The following M1AP variants were observed in gnomAD, a reference collection of about 807,000 sequenced individuals.
The protein encoded by M1AP is meiosis 1 arrest protein.
In M1AP, 39 loss-of-function variants were observed where a neutral mutation model predicts 51.2. That is an observed-to-expected ratio of 0.76 (90% CI 0.59 to 1.00). The LOEUF is 1.00. M1AP is among the 50% of genes least tolerant of loss of function. M1AP has a pLI of 0.00. For missense variants in M1AP, 545 were observed against 641.2 expected, an observed-to-expected ratio of 0.85 and a Z score of 1.62; for synonymous variants, 251 against 249.2, an observed-to-expected ratio of 1.01 and a Z score of -0.07.
chr2:74,611,726 G>C (rs1211553828), intron 3 of M1AP, among the ~76,000 whole-genome samples: 1 of 151,496 alleles, frequency 6.6e-6, no homozygotes, highest in Non-Finnish European at 1.5e-5. Context: ...CAGCTATTCG[G>C]GAAGCTGAGG....
At chr2:74,580,496 G>C (rs2104585508) in intron 5 of M1AP, among the ~76,000 whole-genome samples, 1 of 152,268 alleles carries the variant, frequency 6.6e-6, no homozygotes, top group Non-Finnish European at 1.5e-5. Flanking sequence ...TTGAAATGGG[G>C]GAGAGAGGAA....
At chr2:74,576,639 A>C in intron 5 of M1AP, 21 bp from the exon 6 acceptor site, 1 of 1,612,982 alleles carries the variant, frequency 6.2e-7, no homozygotes, top group East Asian at 2.2e-5. Context: ...AGGAGATTAC[A>C]TTTCAGACAC....
intron 2 of M1AP, among the ~76,000 whole-genome samples, chr2:74,620,105 A>G (rs1442856772): frequency 3.9e-5 from 6 of 152,226 alleles, no homozygotes; most frequent in Non-Finnish European, 5.9e-5. Context: ...TGTTCAGTTA[A>G]GTTTCTGTTT....
At chr2:74,565,228 A>G (rs1678299070) in intron 7 of M1AP, among the ~76,000 whole-genome samples, 1 of 152,116 alleles carries the variant, frequency 6.6e-6, no homozygotes, top group Non-Finnish European at 1.5e-5. Flanking sequence ...ATCTCAAAAA[A>G]AAAAAAAGAA....
rs554488140 is a variant in M1AP at position 74,587,878 on chromosome 2, A to G, written c.596-6031T>C. Among the ~76,000 whole-genome samples, 3 of 152,372 alleles carry G rather than the reference A, an allele frequency of 2.0e-5. No homozygotes were observed. The East Asian group carries it at 5.8e-4, about 29-fold the overall frequency. On this transcript the variant is annotated intron_variant, in intron 4 of 10. Transcript: ENST00000421985. Reference sequence around the variant, plus strand: ...TGCCCTCCTGCGGCCACAATGGGAAAAAACTAAGAAAGCCAAATGACTGAA... The same window carrying G: ...TGCCCTCCTGCGGCCACAATGGGAAGAAACTAAGAAAGCCAAATGACTGAA...
At chr2:74,588,788 A>G (rs1421084930) in intron 4 of M1AP, among the ~76,000 whole-genome samples, 1 of 152,234 alleles carries the variant, frequency 6.6e-6, no homozygotes, top group Non-Finnish European at 1.5e-5. Flanking sequence ...GTAATGAGAT[A>G]GAGAAAATTT....
intron 7 of M1AP, among the ~76,000 whole-genome samples, chr2:74,567,949 G>A (rs983342097): frequency 5.9e-5 from 9 of 152,234 alleles, no homozygotes; most frequent in African/African-American, 1.9e-4. Context: ...CAATTTTCAA[G>A]TGAAAAATCA....
chr2:74,581,998 T>C, intron 4 of M1AP, 151 bp from the exon 5 acceptor site: 1 of 659,984 alleles, frequency 1.5e-6, no homozygotes, highest in East Asian at 2.8e-5. Flanking sequence ...GCACAATCAT[T>C]GCTCACTGCA....
At chr2:74,629,845 T>A (rs2104800616) in intron 2 of M1AP, among the ~76,000 whole-genome samples, 1 of 152,208 alleles carries the variant, frequency 6.6e-6, no homozygotes, top group African/African-American at 2.4e-5. Flanking sequence ...GTCCCATCCC[T>A]AAGTCATTAT....
intron 1 of M1AP, among the ~76,000 whole-genome samples, chr2:74,645,124 G>A (rs1000963950): frequency 6.6e-6 from 1 of 152,066 alleles, no homozygotes; most frequent in Non-Finnish European, 1.5e-5. Flanking sequence ...AGGCCAGGGA[G>A]ACCACAAACC....
rs370508829 is a variant in M1AP, at chr2:74,645,311, T to C, written c.-53+2954A>G. On this transcript the variant is annotated intron_variant, in intron 1 of 10. Transcript: ENST00000421985. ...CTCCGGACACACCATCTTTAAGAACTGTAACACCGCCAGGGTCCGCGGCTT... is the reference window on the plus strand; with the variant it reads ...CTCCGGACACACCATCTTTAAGAACCGTAACACCGCCAGGGTCCGCGGCTT... Among the ~76,000 whole-genome samples the C allele has an allele frequency of 4.0e-4, 61 of 152,294 alleles. 1 individual carries two copies. The highest frequency in any genetic ancestry group is 1.4e-3 in the African/African-American group (60 of 41,562).
At chr2:74,578,821 C>G (rs904541117) in intron 5 of M1AP, among the ~76,000 whole-genome samples, 3 of 151,976 alleles carry the variant, frequency 2.0e-5, no homozygotes, top group Non-Finnish European at 4.4e-5. Flanking sequence ...CCCAAAGAGT[C>G]TAGAGGAGGA....
chr2:74,633,986 C>T (rs186227485), intron 2 of M1AP, among the ~76,000 whole-genome samples: 64 of 152,204 alleles, frequency 4.2e-4, no homozygotes, highest in South Asian at 1.9e-3. Flanking sequence ...TACATAAATA[C>T]TCAATTAAAA....
At chr2:74,639,132 CA>C (rs1683146885) in intron 2 of M1AP, among the ~76,000 whole-genome samples, 1 of 152,128 alleles carries the variant, frequency 6.6e-6, no homozygotes, top group Non-Finnish European at 1.5e-5. Context: ...TGTTCTAACT[CA>C]AGAAGCATGA....
At chr2:74,603,620 G>A (rs1452181020) in intron 4 of M1AP, among the ~76,000 whole-genome samples, 3 of 152,142 alleles carry the variant, frequency 2.0e-5, no homozygotes, top group Non-Finnish European at 4.4e-5. Flanking sequence ...GGAATTTAGA[G>A]GAAAAGACTG....
intron 4 of M1AP, among the ~76,000 whole-genome samples, chr2:74,592,291 C>G (rs1025943113): frequency 1.3e-5 from 2 of 152,108 alleles, no homozygotes; most frequent in Non-Finnish European, 1.5e-5. Flanking sequence ...AAAATAAACA[C>G]ATGCCACTTC....
At chr2:74,607,656 T>C (rs1195538229) in intron 3 of M1AP, among the ~76,000 whole-genome samples, 1 of 152,096 alleles carries the variant, frequency 6.6e-6, no homozygotes, top group East Asian at 1.9e-4. Context: ...TTTGTATTTT[T>C]AGTAGAACGG....
chr2:74,641,942 TTCA>T (rs1171220425), intron 1 of M1AP, among the ~76,000 whole-genome samples: 4 of 151,228 alleles, frequency 2.6e-5, no homozygotes, highest in Non-Finnish European at 5.9e-5. Flanking sequence ...GCCTCCCGGG[TTCA>T]AGCGATTCTC....
At chr2:74,565,875 G>A (rs1411958313) in intron 7 of M1AP, among the ~76,000 whole-genome samples, 1 of 140,258 alleles carries the variant, frequency 7.1e-6, no homozygotes, top group East Asian at 3.2e-4. Context: ...ACAAACATTT[G>A]GCAAAATCCA....
Sources: allele counts gnomAD v4.1 joint callset (sites outside exome capture counted in the v4.1 genomes callset), GRCh38; gene constraint gnomAD v4.1.1; transcripts MANE v1.5; gene names NCBI Gene and HGNC (gene_info 2026-07-23, HGNC 2026-07-21).